Variants in KLHL6 observed in about 807,000 individuals in gnomAD.
KLHL6 encodes kelch-like protein 6.
Under a neutral mutation model 58.6 loss-of-function variants are expected in KLHL6, and 41 were observed. That is an observed-to-expected ratio of 0.70 (90% confidence interval 0.55 to 0.91). The LOEUF (loss-of-function observed/expected upper bound fraction) is 0.91, where lower values mean the gene tolerates loss of function less well. Ranked by LOEUF, KLHL6 falls within the 40% of genes least tolerant of loss-of-function variation. KLHL6 has a pLI of 0.00. For synonymous variants in KLHL6, 338 were observed against 322.7 expected, an observed-to-expected ratio of 1.05 and a Z score of -0.51; for missense variants, 714 against 805.6, an observed-to-expected ratio of 0.89 and a Z score of 1.38.
chr3:183,516,118 G>T lies in KLHL6; in HGVS notation c.460-7610C>A, dbSNP rs372960577. Among the ~76,000 whole-genome samples, 4 of 152,264 alleles carry T rather than the reference G, an allele frequency of 2.6e-5. No individual in the cohort carries two copies. In the East Asian group the frequency reaches 7.7e-4, roughly 29 times the overall value. On this transcript the variant is annotated intron_variant, in intron 2 of 6. Transcript: ENST00000341319. ...CATTGTTGAGCTAACAAAATGCCAG[G>T]AGAGTCTGAAGAGGCTTTATGAGGA...
Position 183,492,794 on chromosome 3 carries a change from G to C in KLHL6, c.1351-87C>G, listed in dbSNP as rs572889059. ...CTCCCAGGATACAGGACAGAGCTCC[G>C]GGACACAGAACTGGGCATCTTTTGC... is the stretch of plus-strand genomic sequence containing the variant. On this transcript the variant is annotated intron_variant, in intron 5 of 6. Transcript: ENST00000341319. This position sits in a 1 kb window ranked among gnomAD's most constrained non-coding sequence, Gnocchi z 5.9. 21 of 1,253,996 alleles carry C rather than the reference G, an allele frequency of 1.7e-5. No homozygotes were observed. The highest frequency in any genetic ancestry group is 2.4e-5 in the Non-Finnish European group (21 of 880,770). The allele number at this position is 1,253,996 out of a possible 1,614,324, so 77.7% of individuals were successfully genotyped here.
At chr3:183,540,735 G>A (rs1427099174) in intron 1 of KLHL6, among the ~76,000 whole-genome samples, 4 of 152,152 alleles carry the variant, frequency 2.6e-5, no homozygotes, top group Non-Finnish European at 1.5e-5. Context: ...TCTCCTACCT[G>A]AGAGTTTAAC....
Position 183,555,477 on chromosome 3 carries a change from C to G in KLHL6, c.177G>C (p.Gln59His). The G allele has an allele frequency of 1.2e-6, 2 of 1,614,194 alleles. No individual in the cohort carries two copies. The highest frequency in any genetic ancestry group is 1.7e-6 in the Non-Finnish European group (2 of 1,180,040). ...CCATTCGCAGGGTTTCCAGGCCATT[C>G]TGAAGAATTAAGGAGAGTCCCGCGT... ...FDDAGLSLILQNGLETLRMEN... is the reference protein window; with the variant it reads ...FDDAGLSLILHNGLETLRMEN... Residue 59 changes from glutamine to histidine, a missense_variant, in exon 1 of 7, where the codon CAG becomes CAC. Physicochemically the swap from Gln to His is conservative, Grantham distance 24. This residue lies in a region of KLHL6 where 204 missense variants were observed against 175.9 expected (regional missense o/e 1.16). Coordinates refer to ENST00000341319, the MANE Select transcript of KLHL6 (RefSeq NM_130446.4).
intron 1 of KLHL6, among the ~76,000 whole-genome samples, chr3:183,542,852 A>C (rs1712594764): frequency 7.2e-6 from 1 of 138,936 alleles, no homozygotes; most frequent in African/African-American, 2.8e-5. Context: ...AAATGGATGG[A>C]TACATGGATG....
At chr3:183,493,066 A>G (rs2255932) in intron 5 of KLHL6, 43,303 of 228,450 alleles carry the variant, frequency 0.19, 4,635 homozygotes, top group Middle Eastern at 0.27. Context: ...ATCCACTCGA[A>G]AAATATTTAT....
intron 1 of KLHL6, among the ~76,000 whole-genome samples, chr3:183,530,863 A>G (rs1260738168): frequency 2.2e-5 from 3 of 138,244 alleles, no homozygotes; most frequent in Admixed American, 7.8e-5. Context: ...ACAGAGTCTC[A>G]CTCTGTCACC....
chr3:183,499,050 G>A lies in KLHL6; in HGVS notation c.1147+540C>T, dbSNP rs568725191. ...CTCCTCCCCAGGTTTTCTATTAATAGTACAACGCTGGCCGGACGAGGTGGC... is the reference window on the plus strand; with the variant it reads ...CTCCTCCCCAGGTTTTCTATTAATAATACAACGCTGGCCGGACGAGGTGGC... On this transcript the variant is annotated intron_variant, in intron 4 of 6. Transcript: ENST00000341319. The surrounding 1 kb of genome is among the most constrained non-coding windows in gnomAD (Gnocchi z 4.6). Among the ~76,000 whole-genome samples the A allele has an allele frequency of 3.3e-5, 5 of 152,252 alleles. No individual in the cohort carries two copies. Among genetic ancestry groups the A allele is most frequent in the African/African-American group, 1.2e-4 (5 of 41,544 alleles).
chr3:183,539,323 T>G (rs1712473724), intron 1 of KLHL6, among the ~76,000 whole-genome samples: 1 of 152,182 alleles, frequency 6.6e-6, no homozygotes. Context: ...GGCAATCCCA[T>G]TCCGTTTGCC....
At chr3:183,542,509 GC>G in intron 1 of KLHL6, among the ~76,000 whole-genome samples, 1 of 151,984 alleles carries the variant, frequency 6.6e-6, no homozygotes, top group Non-Finnish European at 1.5e-5. Flanking sequence ...GCCCCTTCTG[GC>G]CAATGCCTAC....
chr3:183,514,890 G>T (rs558345563), intron 2 of KLHL6, among the ~76,000 whole-genome samples: 4 of 151,994 alleles, frequency 2.6e-5, no homozygotes, highest in Non-Finnish European at 5.9e-5. Flanking sequence ...TTCTGGTCTC[G>T]AACTCCTAAC....
In KLHL6 at chr3:183,527,541, T is replaced by C. The variant is rs192416520; in HGVS notation, c.459+304A>G. Among the ~76,000 whole-genome samples the C allele has an allele frequency of 6.6e-5, 10 of 152,264 alleles. No homozygotes were observed. The East Asian group carries it at 1.9e-3, about 29-fold the overall frequency. ...ATTAAGCTTCTGCAAGTTGTACTTATTGTTCTTGGAGTCAGGACCCATGCC... is the reference window on the plus strand; with the variant it reads ...ATTAAGCTTCTGCAAGTTGTACTTACTGTTCTTGGAGTCAGGACCCATGCC... On this transcript the variant is annotated intron_variant, in intron 2 of 6. Coordinates refer to ENST00000341319, the MANE Select transcript of KLHL6 (RefSeq NM_130446.4).
intron 2 of KLHL6, among the ~76,000 whole-genome samples, chr3:183,514,082 A>G (rs1371777591): frequency 1.3e-5 from 2 of 152,232 alleles, no homozygotes; most frequent in East Asian, 1.9e-4. Flanking sequence ...GCATCTATTA[A>G]TATTATGTAG....
intron 3 of KLHL6, among the ~76,000 whole-genome samples, chr3:183,506,865 TA>T (rs1718023222): frequency 6.8e-6 from 1 of 148,140 alleles, no homozygotes; most frequent in Non-Finnish European, 1.5e-5. Flanking sequence ...AATAAATAAA[TA>T]AATAAATAAA....
chr3:183,548,343 G>A (rs1412822213), intron 1 of KLHL6, among the ~76,000 whole-genome samples: 2 of 152,164 alleles, frequency 1.3e-5, no homozygotes, highest in African/African-American at 4.8e-5. Flanking sequence ...CTAGTGATGA[G>A]GGGAGGGGTT....
intron 1 of KLHL6, among the ~76,000 whole-genome samples, chr3:183,552,866 A>G (rs1181203356): frequency 6.6e-6 from 1 of 152,128 alleles, no homozygotes; most frequent in Admixed American, 6.5e-5. Context: ...CTAGGTCTAA[A>G]TCCCAGCTTG....
rs770614330 is a variant in KLHL6 at position 183,508,230 on chromosome 3, C to G, written c.738G>C (p.Lys246Asn). 6.8e-6 allele frequency: 11 copies of G among 1,614,174 alleles called. No individual in the cohort carries two copies. The South Asian group carries it at 1.2e-4, about 18-fold the overall frequency. Residue 246 changes from lysine (K) to asparagine (N), a missense_variant, in exon 3 of 7, where the codon AAG (lysine) becomes AAC (asparagine). Around this residue, in one of 2 missense-constraint regions of KLHL6, gnomAD observed 510 missense variants for 629.7 expected, o/e 0.81. Coordinates refer to ENST00000341319, the MANE Select transcript of KLHL6 (RefSeq NM_130446.4). Reference sequence around the variant, plus strand: ...GGAGTAAGCAGAGTCGTTCTGATGGCTTGTGCCGGACCCAGCTCATCACGG... The same window carrying G: ...GGAGTAAGCAGAGTCGTTCTGATGGGTTGTGCCGGACCCAGCTCATCACGG... ...FETVMSWVRHKPSERLCLLPY... is the reference protein window; with the variant it reads ...FETVMSWVRHNPSERLCLLPY...
chr3:183,505,147 C>T (rs1026800866), intron 3 of KLHL6, among the ~76,000 whole-genome samples: 5 of 152,204 alleles, frequency 3.3e-5, no homozygotes, highest in African/African-American at 9.6e-5. Context: ...AGGCTGTCTG[C>T]TAGACATCCA....
rs1031773060 is a variant in KLHL6 at position 183,531,439 on chromosome 3, CTG to C, written c.294-3431_294-3430del. ...TTCCTTCTTTCTGTTCTTTTTTTGT[CTG>C]TGTTTTTTTTTTTTTTTTTTTTTTT... On this transcript the variant is annotated intron_variant, in intron 1 of 6. Coordinates refer to ENST00000341319, the MANE Select transcript of KLHL6 (RefSeq NM_130446.4). Among the ~76,000 whole-genome samples the C allele has an allele frequency of 9.6e-5, 13 of 134,800 alleles. 3 individuals carry two copies. The highest frequency in any genetic ancestry group is 1.2e-4 in the African/African-American group (4 of 33,902). The allele number at this position is 134,800 out of a possible 152,430, so 88.4% of individuals were successfully genotyped here.
intron 1 of KLHL6, among the ~76,000 whole-genome samples, chr3:183,530,419 G>A (rs965484349): frequency 9.8e-5 from 15 of 152,286 alleles, no homozygotes; most frequent in Middle Eastern, 3.4e-3. Context: ...ACTGTGTTCT[G>A]CTGTTTTGCA....
Sources: gnomAD v4.1 joint callset for allele counts (sites outside exome capture counted in the v4.1 genomes callset) on GRCh38, gnomAD v4.1.1 for gene constraint, gnomAD v4.1.1 regional missense constraint, Gnocchi (gnomAD v3.1) non-coding constraint, MANE v1.5 for transcripts, NCBI Gene and HGNC (gene_info 2026-07-23, HGNC 2026-07-21) for gene names.